GLCE: variants seen among roughly 807,000 people sequenced by gnomAD.
GLCE encodes D-glucuronyl C5-epimerase.
A neutral mutation model predicts 47.9 loss-of-function variants in GLCE; 19 were observed. That is an observed-to-expected ratio of 0.40 (90% CI 0.28 to 0.58). The LOEUF (loss-of-function observed/expected upper bound fraction) is 0.58. Among genes scored for constraint, GLCE ranks in the 20% least tolerant of loss-of-function variants. The pLI is 0.48. For missense variants in GLCE, 556 were observed against 743.3 expected (o/e 0.75, Z 2.93); for synonymous variants, 245 against 263.4 (o/e 0.93, Z 0.68).
chr15:69,251,850 T>C (rs989715770), intron 2 of GLCE, among the ~76,000 whole-genome samples: 2 of 152,242 alleles, frequency 1.3e-5, no homozygotes, highest in South Asian at 2.1e-4. Context: ...CATGATGTTA[T>C]ATATTTATGG....
chr15:69,195,801 A>G (rs2051979888), intron 1 of GLCE, among the ~76,000 whole-genome samples: 1 of 152,166 alleles, frequency 6.6e-6, no homozygotes, highest in Non-Finnish European at 1.5e-5. Flanking sequence ...CCTATATTAC[A>G]TTAAATCAGT....
rs941676879 is a variant in GLCE at position 69,240,572 on chromosome 15, T to A, written c.-13-15222T>A. Among the ~76,000 whole-genome samples the A allele has an allele frequency of 3.3e-5, 5 of 151,972 alleles. 1 individual carries two copies. Among genetic ancestry groups the A allele is most frequent in the Non-Finnish European group, 5.9e-5 (4 of 67,966 alleles). Reference sequence around the variant, plus strand: ...GGCTAGCTAACGGGGAGGCATACATTAAAAGGGTGTTGGATATTAATAAGT... The same window carrying A: ...GGCTAGCTAACGGGGAGGCATACATAAAAAGGGTGTTGGATATTAATAAGT... On this transcript the variant is annotated intron_variant, in intron 2 of 4. Coordinates refer to ENST00000261858, the MANE Select transcript of GLCE (RefSeq NM_015554.3).
intron 2 of GLCE, among the ~76,000 whole-genome samples, chr15:69,247,049 A>G (rs1162526781): frequency 6.6e-6 from 1 of 152,230 alleles, no homozygotes; most frequent in East Asian, 1.9e-4. Context: ...TCAGAATTAT[A>G]AAGGAGCATT....
intron 2 of GLCE, among the ~76,000 whole-genome samples, chr15:69,247,451 C>T (rs975966218): frequency 3.9e-5 from 6 of 152,148 alleles, no homozygotes; most frequent in African/African-American, 7.2e-5. Context: ...ACCTTAAGAC[C>T]GCCAGAATTT....
At chr15:69,250,674 T>C (rs1367109500) in intron 2 of GLCE, among the ~76,000 whole-genome samples, 5 of 151,824 alleles carry the variant, frequency 3.3e-5, no homozygotes, top group Non-Finnish European at 7.4e-5. Flanking sequence ...CGGGAGGTCA[T>C]CATACTGATG....
intron 1 of GLCE, among the ~76,000 whole-genome samples, chr15:69,200,510 T>A (rs984868777): frequency 6.6e-6 from 1 of 152,204 alleles, no homozygotes; most frequent in African/African-American, 2.4e-5. Flanking sequence ...TCATGATTGA[T>A]AAGTGGCATT....
In GLCE at chr15:69,270,296, G is replaced by GT. The variant is rs1200340391; in HGVS notation, c.*1053dup. On this transcript the variant is annotated 3_prime_UTR_variant, in exon 5 of 5. Transcript: ENST00000261858. The stretch of plus-strand genomic sequence containing the variant: ...TCTTGATCATCAGCTTCCCAAACTA[G>GT]TAAGTCTGTGCATCATTGGGTGTTT... The GT allele has an allele frequency of 6.6e-6, 1 of 151,792 alleles. No homozygotes were observed. The highest frequency in any genetic ancestry group is 1.5e-5 in the Non-Finnish European group (1 of 67,956). 9.4% of individuals were successfully genotyped at this position (151,792 alleles called of 1,614,324 possible). A position where few individuals can be genotyped will look rare whatever the true frequency, so the allele number is the denominator to read the frequency against.
At chr15:69,205,950 G>T (rs1314326752) in intron 1 of GLCE, among the ~76,000 whole-genome samples, 1 of 151,932 alleles carries the variant, frequency 6.6e-6, no homozygotes, top group African/African-American at 2.4e-5. Context: ...AAAACCAAGT[G>T]CATTTTTCAA....
At chr15:69,198,496 C>T (rs1365368746) in intron 1 of GLCE, among the ~76,000 whole-genome samples, 1 of 152,126 alleles carries the variant, frequency 6.6e-6, no homozygotes, top group Non-Finnish European at 1.5e-5. Flanking sequence ...TTTTCTAGGT[C>T]ACTCATAAGG....
At chr15:69,178,049 G>C (rs1328355562) in intron 1 of GLCE, among the ~76,000 whole-genome samples, 1 of 152,154 alleles carries the variant, frequency 6.6e-6, no homozygotes, top group Non-Finnish European at 1.5e-5. Context: ...AAATAAAGCT[G>C]TTACGAATAT....
rs768592004 is a variant in GLCE, at chr15:69,269,247, C to A, written c.*3C>A. 6.2e-6 allele frequency: 10 copies of A among 1,611,708 alleles called. No homozygotes were observed. In the South Asian group the frequency reaches 9.9e-5, roughly 16 times the overall value. On this transcript the variant is annotated 3_prime_UTR_variant, in exon 5 of 5. Transcript: ENST00000261858. The stretch of plus-strand genomic sequence containing the variant: ...GCAGCAGGGCAAAGCACAACTAGAG[C>A]TCACAACCAAAACTGCACTTCAGCC...
chr15:69,224,324 G>A (rs535007906), intron 2 of GLCE, among the ~76,000 whole-genome samples: 19 of 152,142 alleles, frequency 1.2e-4, no homozygotes, highest in South Asian at 4.1e-4. Context: ...GTCTTCCCAG[G>A]TATTTTCTTT....
At chr15:69,207,241 A>G (rs1425950639) in intron 1 of GLCE, among the ~76,000 whole-genome samples, 2 of 152,048 alleles carry the variant, frequency 1.3e-5, no homozygotes, top group African/African-American at 2.4e-5. Flanking sequence ...AAATTCCCCC[A>G]GCATCTTTGT....
intron 2 of GLCE, among the ~76,000 whole-genome samples, chr15:69,251,239 G>T (rs976980665): frequency 6.6e-6 from 1 of 152,080 alleles, no homozygotes; most frequent in African/African-American, 2.4e-5. Flanking sequence ...AACATTTTGG[G>T]CTGGAATGTA....
intron 1 of GLCE, among the ~76,000 whole-genome samples, chr15:69,182,642 A>T (rs1211520530): frequency 6.6e-6 from 1 of 152,172 alleles, no homozygotes; most frequent in Non-Finnish European, 1.5e-5. Context: ...AGTGGACTAC[A>T]GGTCTGTTGG....
At position 69,268,512 on chromosome 15, in the gene GLCE, A is replaced by T; in HGVS notation, c.1122A>T (p.Lys374Asn). The T allele has an allele frequency of 6.2e-7, 1 of 1,614,198 alleles. No homozygotes were observed. The highest frequency in any genetic ancestry group is 1.6e-4 in the Middle Eastern group (1 of 6,062). ...ACACAAAAGCTGTCAAGCCAACCAAAATAATGCCCAAGAAGGTGGTTAGGT... is the reference window on the plus strand; with the variant it reads ...ACACAAAAGCTGTCAAGCCAACCAATATAATGCCCAAGAAGGTGGTTAGGT... ...LSNTKAVKPTKIMPKKVVRLI... is the reference protein window; with the variant it reads ...LSNTKAVKPTNIMPKKVVRLI... The change falls in exon 5 of 5, where the codon AAA (lysine) becomes AAT (asparagine). Residue 374 changes from lysine (K) to asparagine (N), a missense_variant. Lys to Asn is a moderately conservative substitution (Grantham distance 94). Transcript: ENST00000261858.
chr15:69,198,460 C>G lies in GLCE; in HGVS notation c.-104-11856C>G, dbSNP rs143669230. Among the ~76,000 whole-genome samples, 13 of 152,248 alleles carry G rather than the reference C, an allele frequency of 8.5e-5. No homozygotes were observed. The East Asian group carries it at 2.5e-3, about 29-fold the overall frequency. On this transcript the variant is annotated intron_variant, in intron 1 of 4. Coordinates refer to ENST00000261858, the MANE Select transcript of GLCE (RefSeq NM_015554.3). ...GTGTTGACAGGGCCTGAAGTCTCAT[C>G]AGAAATCTTGATGTGAAAGGATCCA...
rs567528406 is a variant in GLCE at position 69,169,399 on chromosome 15, A to G, written c.-105+8642A>G. 9.9e-5 allele frequency among the ~76,000 whole-genome samples: 15 copies of G among 152,070 alleles called. 1 individual carries two copies. The highest frequency in any genetic ancestry group is 3.4e-4 in the African/African-American group (14 of 41,320). ...CATATATATACACACATATACACACATAATTCTTTTTTTTAATTATACTTT... is the reference window on the plus strand; with the variant it reads ...CATATATATACACACATATACACACGTAATTCTTTTTTTTAATTATACTTT... On this transcript the variant is annotated intron_variant, in intron 1 of 4. Coordinates refer to ENST00000261858, the MANE Select transcript of GLCE (RefSeq NM_015554.3).
chr15:69,268,968 A>C lies in GLCE; in HGVS notation c.1578A>C (p.Ala526=). ...GGCTGTATGACTTAAAAGAAACTGC[A>C]GGGGAAAAACTCGGAAAAGAAGCAA... is the stretch of plus-strand genomic sequence containing the variant. ...LIGLYDLKET[A]GEKLGKEARS... is the part of the protein sequence containing the mutation. The change falls in exon 5 of 5, where the codon GCA becomes GCC. Residue 526 remains alanine, a synonymous_variant. Coordinates refer to ENST00000261858, the MANE Select transcript of GLCE (RefSeq NM_015554.3). The C allele has an allele frequency of 6.2e-7, 1 of 1,614,236 alleles. No homozygotes were observed. Among genetic ancestry groups the C allele is most frequent in the South Asian group, 1.1e-5 (1 of 91,090 alleles).
Sources: allele counts gnomAD v4.1 joint callset (sites outside exome capture counted in the v4.1 genomes callset), GRCh38; gene constraint gnomAD v4.1.1; transcripts MANE v1.5; gene names NCBI Gene and HGNC (gene_info 2026-07-23, HGNC 2026-07-21).